The following PPP4R2 variants were observed in gnomAD, a reference collection of about 807,000 sequenced individuals.
PPP4R2 encodes protein phosphatase 4 regulatory subunit 2, also known as serine/threonine-protein phosphatase 4 regulatory subunit 2.
PPP4R2 carries 13 observed loss-of-function variants against 47.2 expected under a neutral mutation model. That is an observed-to-expected ratio of 0.28 (90% confidence interval 0.18 to 0.44). The LOEUF (loss-of-function observed/expected upper bound fraction) is 0.44. Among genes scored for constraint, PPP4R2 ranks in the 20% least tolerant of loss-of-function variants. PPP4R2 has a pLI of 1.00. For synonymous variants in PPP4R2, 151 were observed against 163.3 expected, an observed-to-expected ratio of 0.92 and a Z score of 0.57; for missense variants, 421 against 491.2, an observed-to-expected ratio of 0.86 and a Z score of 1.35.
At chr3:73,007,528 A>T (rs771117599) in intron 2 of PPP4R2, among the ~76,000 whole-genome samples, 1 of 150,988 alleles carries the variant, frequency 6.6e-6, no homozygotes, top group Non-Finnish European at 1.5e-5. Flanking sequence ...CCCAGGCTGG[A>T]GTACAGTGGT....
chr3:73,059,689 A>C (rs1386000441), intron 4 of PPP4R2, among the ~76,000 whole-genome samples: 1 of 152,122 alleles, frequency 6.6e-6, no homozygotes, highest in African/African-American at 2.4e-5. Flanking sequence ...CTGTAATTCC[A>C]GCACTTTGGG....
intron 3 of PPP4R2, among the ~76,000 whole-genome samples, chr3:73,052,318 A>G (rs1299145675): frequency 2.1e-5 from 3 of 145,328 alleles, no homozygotes; most frequent in Non-Finnish European, 4.5e-5. Flanking sequence ...AAGATGGATT[A>G]TAACTACTCT....
Position 73,044,087 on chromosome 3 carries a change from C to CGT in PPP4R2, c.117-3084_117-3083dup, listed in dbSNP as rs141997232. ...TTCAGATTAAAGACTGGATAATATT[C>CGT]GTGTGTGTGTGTGTGTTTATCTCTC... On this transcript the variant is annotated intron_variant, in intron 2 of 8. Transcript: ENST00000356692. Among the ~76,000 whole-genome samples, 180 of 151,672 alleles carry CGT rather than the reference C, an allele frequency of 1.2e-3. 3 individuals carry two copies. The highest frequency in any genetic ancestry group is 2.9e-3 in the South Asian group (14 of 4,804).
chr3:73,022,449 G>A (rs1037885731), intron 2 of PPP4R2, among the ~76,000 whole-genome samples: 6 of 152,170 alleles, frequency 3.9e-5, no homozygotes, highest in Non-Finnish European at 7.3e-5. Flanking sequence ...GAAAGTTACA[G>A]TGTCAAGTGA....
chr3:73,062,152 C>A, intron 5 of PPP4R2: 1 of 1,547,060 alleles, frequency 6.5e-7, no homozygotes, highest in Non-Finnish European at 8.7e-7. Context: ...TGTGACAGAT[C>A]TTACAAAAGA....
chr3:73,065,898 T>C lies in PPP4R2; in HGVS notation c.*176T>C. ...ACATGTAAGAACTGTGAATATCAGC[T>C]CCTCTGGGTCCTGCTTACCTTACCG... is the stretch of plus-strand genomic sequence containing the variant. On this transcript the variant is annotated 3_prime_UTR_variant, in exon 9 of 9. Transcript: ENST00000356692. 3 of 427,914 alleles carry C rather than the reference T, an allele frequency of 7.0e-6. No individual in the cohort carries two copies. The highest frequency in any genetic ancestry group is 1.2e-5 in the Non-Finnish European group (3 of 242,140). The allele number at this position is 427,914 out of a possible 1,614,324, so 26.5% of individuals were successfully genotyped here. A position where few individuals can be genotyped will look rare whatever the true frequency, so the allele number is the denominator to read the frequency against.
chr3:73,004,939 G>T, intron 2 of PPP4R2, among the ~76,000 whole-genome samples: 2 of 89,658 alleles, frequency 2.2e-5, no homozygotes, highest in South Asian at 4.6e-4. Flanking sequence ...GTTTTGAGTC[G>T]GAGTCGTGTG....
intron 2 of PPP4R2, among the ~76,000 whole-genome samples, chr3:73,000,105 A>G (rs372350229): frequency 1.3e-5 from 2 of 152,148 alleles, no homozygotes; most frequent in Non-Finnish European, 2.9e-5. Context: ...AAGCATTTCC[A>G]CCGGATGTGG....
chr3:73,004,967 G>A (rs1484646651), intron 2 of PPP4R2, among the ~76,000 whole-genome samples: 1 of 150,334 alleles, frequency 6.7e-6, no homozygotes, highest in Non-Finnish European at 1.5e-5. Flanking sequence ...GTGTGTGTGT[G>A]TGTGTGTGTG....
At chr3:73,036,978 A>G (rs933122036) in intron 2 of PPP4R2, among the ~76,000 whole-genome samples, 1 of 152,208 alleles carries the variant, frequency 6.6e-6, no homozygotes, top group Admixed American at 6.5e-5. Flanking sequence ...GTGCTAACTC[A>G]TTTTTATATT....
intron 2 of PPP4R2, among the ~76,000 whole-genome samples, chr3:73,013,495 A>AG (rs1701765487): frequency 6.6e-6 from 1 of 151,984 alleles, no homozygotes; most frequent in Non-Finnish European, 1.5e-5. Flanking sequence ...GTAAGAAAAA[A>AG]AATCAAACTA....
chr3:73,065,576 G>C lies in PPP4R2; in HGVS notation c.1108G>C (p.Val370Leu). The C allele has an allele frequency of 1.2e-6, 2 of 1,613,582 alleles. No homozygotes were observed. The highest frequency in any genetic ancestry group is 2.2e-5 in the South Asian group (2 of 91,074). ...TGAAGGTAGTGAAAACGAAGGCCCT[G>C]TAAGTAGTAGTTCTTCTGACTGCCG... ...HSEGSENEGP[V>L]SSSSSDCRET... Residue 370 changes from valine (V) to leucine (L), a missense_variant, in exon 9 of 9, where the codon GTA becomes CTA. This residue lies in a region of PPP4R2 where 317 missense variants were observed against 287.5 expected (regional missense o/e 1.10). Coordinates refer to ENST00000356692, the MANE Select transcript of PPP4R2 (RefSeq NM_174907.4).
At chr3:73,033,516 T>G (rs1702206937) in intron 2 of PPP4R2, among the ~76,000 whole-genome samples, 1 of 152,206 alleles carries the variant, frequency 6.6e-6, no homozygotes, top group Non-Finnish European at 1.5e-5. Flanking sequence ...ATGGATTGCT[T>G]GGTTGAGGCA....
chr3:73,043,332 C>A (rs1450011604), intron 2 of PPP4R2, among the ~76,000 whole-genome samples: 1 of 152,110 alleles, frequency 6.6e-6, no homozygotes, highest in East Asian at 1.9e-4. Context: ...GCTTGTTAAA[C>A]CTCAAATTCC....
chr3:73,027,965 G>T (rs1420099376), intron 2 of PPP4R2: 2 of 139,684 alleles, frequency 1.4e-5, no homozygotes, highest in East Asian at 4.2e-4. Context: ...TTTTTTAAGA[G>T]ACGGGGTGGG....
chr3:73,000,742 C>G (rs1042068156), intron 2 of PPP4R2, among the ~76,000 whole-genome samples: 4 of 152,068 alleles, frequency 2.6e-5, no homozygotes, highest in Non-Finnish European at 2.9e-5. Flanking sequence ...CTGGCCACTT[C>G]AAAAAATTGT....
intron 2 of PPP4R2, among the ~76,000 whole-genome samples, chr3:73,042,477 GTC>G (rs1702400510): frequency 6.9e-6 from 1 of 145,160 alleles, no homozygotes; most frequent in Non-Finnish European, 1.5e-5. Context: ...CAATTCTCCT[GTC>G]TCAGCCTCCC....
chr3:73,024,263 C>G (rs903959150), intron 2 of PPP4R2, among the ~76,000 whole-genome samples: 6 of 151,900 alleles, frequency 3.9e-5, no homozygotes, highest in Non-Finnish European at 7.4e-5. Context: ...AATTTATAAT[C>G]AAGGGTAGAA....
chr3:73,016,822 T>TC (rs1701848337), intron 2 of PPP4R2, among the ~76,000 whole-genome samples: 1 of 145,982 alleles, frequency 6.9e-6, no homozygotes, highest in Admixed American at 6.8e-5. Flanking sequence ...TCTTTTTTTT[T>TC]TTTTTTTTTT....
Sources: gnomAD v4.1 joint callset for allele counts (sites outside exome capture counted in the v4.1 genomes callset) on GRCh38, gnomAD v4.1.1 for gene constraint, gnomAD v4.1.1 regional missense constraint, MANE v1.5 for transcripts, NCBI Gene and HGNC (gene_info 2026-07-23, HGNC 2026-07-21) for gene names.